Variants in TTC7B observed in about 807,000 individuals in gnomAD.
The protein encoded by TTC7B is tetratricopeptide repeat protein 7B.
A neutral mutation model predicts 106.8 loss-of-function variants in TTC7B; 28 were observed. That is an observed-to-expected ratio of 0.26 (90% CI 0.19 to 0.36). The LOEUF (loss-of-function observed/expected upper bound fraction) is 0.36. Ranked by LOEUF, TTC7B falls within the 10% of genes least tolerant of loss-of-function variation. TTC7B has a pLI of 1.00. For synonymous variants in TTC7B, 405 were observed against 430.6 expected (o/e 0.94, Z 0.74); for missense variants, 862 against 1,076.4 (o/e 0.80, Z 2.79).
chr14:90,632,463 A>T (rs551351931), intron 15 of TTC7B, among the ~76,000 whole-genome samples: 1 of 152,234 alleles, frequency 6.6e-6, no homozygotes. Context: ...AAAAAAAATT[A>T]TATGTATACT....
intron 14 of TTC7B, 47 bp from the exon 15 acceptor site, chr14:90,644,255 A>T: frequency 7.3e-7 from 1 of 1,373,022 alleles, no homozygotes; most frequent in Non-Finnish European, 9.7e-7. Context: ...ACACATGCAC[A>T]CGCACACACA....
intron 13 of TTC7B, among the ~76,000 whole-genome samples, chr14:90,647,670 G>A (rs913091590): frequency 6.6e-5 from 10 of 152,104 alleles, no homozygotes; most frequent in East Asian, 1.9e-4. Context: ...GGCCTTTGAC[G>A]TCAGACAGGA....
At chr14:90,726,355 G>A (rs1028123348) in intron 5 of TTC7B, among the ~76,000 whole-genome samples, 8 of 152,132 alleles carry the variant, frequency 5.3e-5, no homozygotes, top group Non-Finnish European at 7.4e-5. Flanking sequence ...CCATGGTTAT[G>A]CACCTTGAGC....
At chr14:90,552,765 C>G (rs1405752887) in intron 19 of TTC7B, among the ~76,000 whole-genome samples, 2 of 152,212 alleles carry the variant, frequency 1.3e-5, no homozygotes, top group Non-Finnish European at 2.9e-5. Context: ...GGAGCCTGGC[C>G]CCCAGGCCGG....
rs1889168218 is a variant in TTC7B, at chr14:90,527,182, T to G, written c.*14186A>C. The G allele has an allele frequency of 6.6e-6, 1 of 152,014 alleles. No individual in the cohort carries two copies. Among genetic ancestry groups the G allele is most frequent in the Non-Finnish European group, 1.5e-5 (1 of 68,002 alleles). The allele number at this position is 152,014 out of a possible 1,614,324, so 9.4% of individuals were successfully genotyped here. On this transcript the variant is annotated 3_prime_UTR_variant, in exon 20 of 20. Coordinates refer to ENST00000328459, the MANE Select transcript of TTC7B (RefSeq NM_001010854.2). ...CCCCATCATATCTGGGGGTACCTGG[T>G]ATTCACACGACTCATCACTGGGAAT...
chr14:90,551,606 C>A (rs568605121), intron 19 of TTC7B, among the ~76,000 whole-genome samples: 1 of 152,130 alleles, frequency 6.6e-6, no homozygotes, highest in Non-Finnish European at 1.5e-5. Flanking sequence ...AGGGTGGCAG[C>A]GGTAGTGTTT....
intron 16 of TTC7B, among the ~76,000 whole-genome samples, chr14:90,615,565 C>T (rs974873769): frequency 2.6e-5 from 4 of 152,196 alleles, no homozygotes; most frequent in African/African-American, 9.7e-5. Flanking sequence ...CACTGTATGC[C>T]CTGATCCCAG....
At chr14:90,544,373 A>G (rs1389807524) in intron 19 of TTC7B, among the ~76,000 whole-genome samples, 7 of 151,954 alleles carry the variant, frequency 4.6e-5, no homozygotes, top group African/African-American at 1.5e-4. Flanking sequence ...GGGTGGCCAA[A>G]CAGCCGAGGG....
At chr14:90,618,832 C>T (rs1893193891) in intron 15 of TTC7B, among the ~76,000 whole-genome samples, 1 of 152,210 alleles carries the variant, frequency 6.6e-6, no homozygotes, top group African/African-American at 2.4e-5. Context: ...AGTATGAGCC[C>T]AGCTTCCTTC....
At chr14:90,605,784 G>C in intron 17 of TTC7B, 1 of 1,227,058 alleles carries the variant, frequency 8.1e-7, no homozygotes, top group Non-Finnish European at 1.0e-6. Flanking sequence ...AGAAAAAAAG[G>C]GTGAAGGCAA....
chr14:90,668,827 CTTT>C (rs11291974), intron 9 of TTC7B, among the ~76,000 whole-genome samples: 347 of 88,530 alleles, frequency 3.9e-3, no homozygotes, highest in African/African-American at 0.015. Context: ...AAAATTTCAA[CTTT>C]TTTTTTTTTT....
intron 3 of TTC7B, among the ~76,000 whole-genome samples, chr14:90,754,212 A>C (rs1890216830): frequency 6.6e-6 from 1 of 152,180 alleles, no homozygotes; most frequent in Non-Finnish European, 1.5e-5. Context: ...ACAACTGGTA[A>C]GTAAGTGGCA....
chr14:90,590,469 C>T (rs1447111418), intron 18 of TTC7B, among the ~76,000 whole-genome samples: 2 of 152,182 alleles, frequency 1.3e-5, no homozygotes, highest in African/African-American at 4.8e-5. Flanking sequence ...AGAGAACAGG[C>T]CCACAAATGT....
rs532353137 is a variant in TTC7B at position 90,774,865 on chromosome 14, C to T, written c.445+5873G>A. 2.6e-5 allele frequency among the ~76,000 whole-genome samples: 4 copies of T among 152,252 alleles called. No homozygotes were observed. In the South Asian group the frequency reaches 8.3e-4, roughly 32 times the overall value. On this transcript the variant is annotated intron_variant, in intron 3 of 19. Coordinates refer to ENST00000328459, the MANE Select transcript of TTC7B (RefSeq NM_001010854.2). ...GACCAGCCTAGCCAACATGGTGAAA[C>T]CCTGTCTCTACTAAGAATATAAAAA...
chr14:90,761,184 AC>A (rs1174256256), intron 3 of TTC7B, among the ~76,000 whole-genome samples: 1 of 152,258 alleles, frequency 6.6e-6, no homozygotes, highest in Non-Finnish European at 1.5e-5. Flanking sequence ...ATGAAGGACC[AC>A]CAGGTTAGGA....
intron 19 of TTC7B, among the ~76,000 whole-genome samples, chr14:90,547,458 G>A (rs1022243987): frequency 6.6e-6 from 1 of 152,194 alleles, no homozygotes; most frequent in Non-Finnish European, 1.5e-5. Flanking sequence ...CCCTCAGCAG[G>A]GCCGGCCTGC....
intron 3 of TTC7B, among the ~76,000 whole-genome samples, chr14:90,780,470 A>AAAGAAAGAAAGAAAGAAAGAAAGAAAG (rs1891178539): frequency 6.8e-6 from 1 of 146,362 alleles, no homozygotes; most frequent in Non-Finnish European, 1.5e-5. Flanking sequence ...GAAAGAAAGA[A>AAAGAAAGAAAGAAAGAAAGAAAGAAAG]AAAGAAAGAA....
At chr14:90,767,046 G>T (rs10151979) in intron 3 of TTC7B, 5 of 694,274 alleles carry the variant, frequency 7.2e-6, no homozygotes, top group Non-Finnish European at 1.1e-5. Context: ...AAAAAAAAAA[G>T]AAAGAAAGGA....
intron 2 of TTC7B, among the ~76,000 whole-genome samples, chr14:90,785,243 G>T (rs185924716): frequency 6.6e-6 from 1 of 152,154 alleles, no homozygotes; most frequent in African/African-American, 2.4e-5. Flanking sequence ...GCTTCCCGGG[G>T]GGAAGCGTGC....
Sources: allele counts gnomAD v4.1 joint callset (sites outside exome capture counted in the v4.1 genomes callset), GRCh38; gene constraint gnomAD v4.1.1; transcripts MANE v1.5; gene names NCBI Gene and HGNC (gene_info 2026-07-23, HGNC 2026-07-21).